NEK5: variants seen among roughly 807,000 people sequenced by gnomAD.
NEK5 encodes the protein serine/threonine-protein kinase Nek5.
A neutral mutation model predicts 109.2 loss-of-function variants in NEK5; 88 were observed. The observed-to-expected ratio is 0.81, with a 90% CI of 0.68 to 0.96. NEK5 has a LOEUF of 0.96. NEK5 is among the 40% of genes least tolerant of loss of function. NEK5 has a pLI of 0.00. For synonymous variants in NEK5, 283 were observed against 299.9 expected, an observed-to-expected ratio of 0.94 and a Z score of 0.58; for missense variants, 834 against 920.7, an observed-to-expected ratio of 0.91 and a Z score of 1.22.
intron 12 of NEK5, among the ~76,000 whole-genome samples, chr13:52,096,812 G>T (rs575901206): frequency 1.3e-5 from 2 of 152,330 alleles, no homozygotes; most frequent in East Asian, 3.9e-4. Flanking sequence ...GTCAAATGTT[G>T]TTAGCCAAGA....
At chr13:52,099,695 G>A (rs1432257879) in intron 12 of NEK5, 48 bp downstream of exon 12, 6 of 1,590,954 alleles carry the variant, frequency 3.8e-6, no homozygotes, top group Non-Finnish European at 5.2e-6. Flanking sequence ...CAAACAAAAA[G>A]CATATACCAT....
rs566423244 is a variant in NEK5 at position 52,076,251 on chromosome 13, G to C, written c.1573-108C>G. The stretch of plus-strand genomic sequence containing the variant: ...ATAACAAAAACAAGCTTTTATAATG[G>C]AAAGTTAATAATAATTAACTAAAAA... On this transcript the variant is annotated intron_variant, in intron 17 of 23. Transcript: ENST00000684899. The C allele has an allele frequency of 5.6e-4, 352 of 624,814 alleles. 2 individuals carry two copies. The highest frequency in any genetic ancestry group is 7.9e-4 in the Non-Finnish European group (287 of 365,006). The allele number at this position is 624,814 out of a possible 1,614,324, so 38.7% of individuals were successfully genotyped here. A position where few individuals can be genotyped will look rare whatever the true frequency, so the allele number is the denominator to read the frequency against.
At chr13:52,075,230 A>C (rs1954845895) in intron 19 of NEK5, among the ~76,000 whole-genome samples, 1 of 152,220 alleles carries the variant, frequency 6.6e-6, no homozygotes, top group African/African-American at 2.4e-5. Flanking sequence ...CTAGGTGCCC[A>C]TCAGTGGTGG....
Position 52,093,351 on chromosome 13 carries a change from G to C in NEK5, c.1027-116C>G, listed in dbSNP as rs533760509. On this transcript the variant is annotated intron_variant, in intron 12 of 23. Coordinates refer to ENST00000684899, the MANE Select transcript of NEK5 (RefSeq NM_001365552.1). ...GAGGCGGGTGGATCACCTGAGGTCA[G>C]GAGTTCAAGACCAGCCTGGCCAACA... 7.0e-5 allele frequency: 47 copies of C among 669,806 alleles called. 1 individual carries two copies. In the African/African-American group the frequency reaches 8.0e-4, roughly 11 times the overall value. 41.5% of individuals were successfully genotyped at this position (669,806 alleles called of 1,614,324 possible).
At chr13:52,070,287 G>A (rs1256206268) in intron 20 of NEK5, among the ~76,000 whole-genome samples, 2 of 152,150 alleles carry the variant, frequency 1.3e-5, no homozygotes, top group Non-Finnish European at 2.9e-5. Context: ...AGTGTTAAAT[G>A]TGATAATATG....
At chr13:52,063,305 C>A (rs1205225033) in intron 21 of NEK5, among the ~76,000 whole-genome samples, 2 of 152,236 alleles carry the variant, frequency 1.3e-5, no homozygotes, top group Non-Finnish European at 2.9e-5. Flanking sequence ...CAGCTCCTAA[C>A]CGCGAGTGAT....
chr13:52,060,441 G>A (rs890723671), intron 22 of NEK5, among the ~76,000 whole-genome samples: 3 of 151,736 alleles, frequency 2.0e-5, no homozygotes, highest in African/African-American at 4.8e-5. Flanking sequence ...TGCAACCTCC[G>A]CCACCCGGGT....
intron 4 of NEK5, among the ~76,000 whole-genome samples, chr13:52,117,957 A>T (rs893641533): frequency 6.6e-6 from 1 of 152,226 alleles, no homozygotes; most frequent in Non-Finnish European, 1.5e-5. Flanking sequence ...AGGGCACTTT[A>T]TTCAGTGGCT....
intron 23 of NEK5, 57 bp from the exon 24 acceptor site, chr13:52,037,275 T>A: frequency 1.2e-6 from 1 of 848,696 alleles, no homozygotes; most frequent in Non-Finnish European, 1.4e-6. Context: ...GAAGAATACA[T>A]GTAAAAACTC....
At chr13:52,112,234 A>T in intron 5 of NEK5, 34 bp downstream of exon 5, 1 of 1,140,188 alleles carries the variant, frequency 8.8e-7, no homozygotes, top group Non-Finnish European at 1.3e-6. Context: ...CACCACACAT[A>T]CATAAAATTA....
intron 20 of NEK5, among the ~76,000 whole-genome samples, chr13:52,066,564 G>A (rs191664084): frequency 6.6e-6 from 1 of 152,046 alleles, no homozygotes; most frequent in East Asian, 1.9e-4. Flanking sequence ...TCAGCACTTT[G>A]GGAGGCCGAG....
At position 52,050,235 on chromosome 13, in the gene NEK5, A is replaced by G. The variant is rs1390695932; in HGVS notation, c.2111-14T>C. 1.5e-5 allele frequency: 14 copies of G among 950,554 alleles called. No homozygotes were observed. In the Admixed American group the frequency reaches 8.6e-4, roughly 59 times the overall value. The allele number at this position is 950,554 out of a possible 1,614,324, so 58.9% of individuals were successfully genotyped here. On this transcript the variant is annotated splice_polypyrimidine_tract_variant and intron_variant, in intron 22 of 23. Coordinates refer to ENST00000684899, the MANE Select transcript of NEK5 (RefSeq NM_001365552.1). ...ATGTTCCCATTGCTAAAGAAATGAC[A>G]GAGAAAGATATGAAAGCATCCCAGC...
chr13:52,063,663 TG>T (rs1954635137), intron 21 of NEK5, among the ~76,000 whole-genome samples: 1 of 147,552 alleles, frequency 6.8e-6, no homozygotes, highest in African/African-American at 2.5e-5. Context: ...GTCTGAGATG[TG>T]GGGAGCACCT....
At position 52,108,363 on chromosome 13, in the gene NEK5, T is replaced by C. The variant is rs774076871; in HGVS notation, c.509A>G (p.Tyr170Cys). ...LARTCIGTPY[Y>C]LSPEICQNKP... Reference sequence around the variant, plus strand: ...ATTCTGACAGATCTCTGGGGACAGGTAGTAAGGTGTTCCAATACAAGTTCG... The same window carrying C: ...ATTCTGACAGATCTCTGGGGACAGGCAGTAAGGTGTTCCAATACAAGTTCG... The change falls in exon 8 of 24, where the codon TAC becomes TGC. Residue 170 changes from tyrosine (Y) to cysteine (C), a missense_variant. Tyr to Cys is a radical substitution (Grantham distance 194). This residue lies in a region of NEK5 where 777 missense variants were observed against 824.7 expected (regional missense o/e 0.94). Transcript: ENST00000684899. 1 of 1,611,682 alleles carries C rather than the reference T, an allele frequency of 6.2e-7. No individual in the cohort carries two copies. Among genetic ancestry groups the C allele is most frequent in the Non-Finnish European group, 8.5e-7 (1 of 1,178,240 alleles).
At chr13:52,067,468 C>G (rs898053018) in intron 20 of NEK5, among the ~76,000 whole-genome samples, 6 of 152,134 alleles carry the variant, frequency 3.9e-5, no homozygotes, top group African/African-American at 1.4e-4. Flanking sequence ...AAGTCCAACA[C>G]AGAAATGCCT....
intron 12 of NEK5, among the ~76,000 whole-genome samples, chr13:52,099,224 TAAA>T (rs1955479609): frequency 6.6e-6 from 1 of 152,068 alleles, no homozygotes; most frequent in African/African-American, 2.4e-5. Flanking sequence ...TTTTTTTAAT[TAAA>T]AAATTAAAGA....
chr13:52,061,432 G>A (rs1477203506), intron 22 of NEK5, among the ~76,000 whole-genome samples: 1 of 152,006 alleles, frequency 6.6e-6, no homozygotes, highest in African/African-American at 2.4e-5. Flanking sequence ...AAAATTGGAG[G>A]AAAAAAACAA....
chr13:52,116,214 C>T (rs1208294978), intron 4 of NEK5, among the ~76,000 whole-genome samples: 2 of 148,328 alleles, frequency 1.3e-5, no homozygotes, highest in Non-Finnish European at 3.0e-5. Flanking sequence ...TTGTTTCTTA[C>T]AGACATTGGC....
intron 4 of NEK5, among the ~76,000 whole-genome samples, chr13:52,113,416 A>G (rs368839696): frequency 7.9e-5 from 12 of 151,938 alleles, no homozygotes; most frequent in Admixed American, 3.3e-4. Context: ...AGATGTGATT[A>G]TTCCTCCAAA....
Sources: allele counts gnomAD v4.1 joint callset (sites outside exome capture counted in the v4.1 genomes callset), GRCh38; gene constraint gnomAD v4.1.1; regional missense constraint gnomAD v4.1.1; transcripts MANE v1.5; gene names NCBI Gene and HGNC (gene_info 2026-07-23, HGNC 2026-07-21).